Variants in CNTN5 observed in about 807,000 individuals in gnomAD.
The protein encoded by CNTN5 is contactin 5, also known as contactin-5.
In CNTN5, 77 loss-of-function variants were observed where a neutral mutation model predicts 129.1. That is an observed-to-expected ratio of 0.60 (90% CI 0.50 to 0.72). The LOEUF is 0.72. CNTN5 is among the 30% of genes least tolerant of loss of function. The pLI is 0.00. For missense variants in CNTN5, 1,478 were observed against 1,328.8 expected (o/e 1.11, Z -1.75); for synonymous variants, 509 against 465.6 (o/e 1.09, Z -1.20).
intron 3 of CNTN5, among the ~76,000 whole-genome samples, chr11:99,745,693 C>A (rs920114476): frequency 2.0e-5 from 3 of 151,640 alleles, no homozygotes; most frequent in Admixed American, 1.3e-4. Context: ...TTATTCCTGC[C>A]AACCTTAGTT....
In CNTN5 at chr11:100,240,238, G is replaced by A. The variant is rs528408973; in HGVS notation, c.2005+15426G>A. Reference sequence around the variant, plus strand: ...ATCAACACCCCGCCCCACACCCCCCGACCCCCGCCAGGGACTGCTCTATTT... The same window carrying A: ...ATCAACACCCCGCCCCACACCCCCCAACCCCCGCCAGGGACTGCTCTATTT... On this transcript the variant is annotated intron_variant, in intron 16 of 24. Transcript: ENST00000524871. 8.4e-5 allele frequency among the ~76,000 whole-genome samples: 11 copies of A among 131,528 alleles called. No homozygotes were observed. In the South Asian group the frequency reaches 1.7e-3, roughly 21 times the overall value. 86.3% of individuals were successfully genotyped at this position (131,528 alleles called of 152,430 possible).
At chr11:99,672,962 CAG>C (rs1406797276) in intron 3 of CNTN5, among the ~76,000 whole-genome samples, 1 of 152,010 alleles carries the variant, frequency 6.6e-6, no homozygotes, top group Non-Finnish European at 1.5e-5. Context: ...GGAGAGGGCT[CAG>C]GGAGTTGGTG....
chr11:99,862,608 TTTTA>T (rs1405922926), intron 6 of CNTN5, among the ~76,000 whole-genome samples: 5 of 151,954 alleles, frequency 3.3e-5, no homozygotes, highest in African/African-American at 1.2e-4. Context: ...AAAATATATT[TTTTA>T]TTTAGTTTAT....
intron 6 of CNTN5, among the ~76,000 whole-genome samples, chr11:99,876,724 CT>C (rs1182673504): frequency 6.6e-6 from 1 of 152,134 alleles, no homozygotes; most frequent in Non-Finnish European, 1.5e-5. Flanking sequence ...GTCAATGCCC[CT>C]AAACCTTGTA....
At chr11:99,928,622 G>A (rs1193716599) in intron 7 of CNTN5, among the ~76,000 whole-genome samples, 1 of 152,162 alleles carries the variant, frequency 6.6e-6, no homozygotes, top group Non-Finnish European at 1.5e-5. Flanking sequence ...TGGGATGCAG[G>A]GCACCAAGTC....
chr11:99,589,777 T>C (rs1949919383), intron 3 of CNTN5, among the ~76,000 whole-genome samples: 1 of 152,214 alleles, frequency 6.6e-6, no homozygotes. Context: ...ACAAATACTA[T>C]GTCTCTAACA....
At chr11:99,471,831 A>G (rs2135277210) in intron 2 of CNTN5, among the ~76,000 whole-genome samples, 1 of 152,292 alleles carries the variant, frequency 6.6e-6, no homozygotes, top group Admixed American at 6.5e-5. Flanking sequence ...TTTCCCAGAA[A>G]GATTATAATG....
At chr11:100,332,836 T>C (rs1434586286) in intron 21 of CNTN5, among the ~76,000 whole-genome samples, 1 of 151,990 alleles carries the variant, frequency 6.6e-6, no homozygotes, top group Non-Finnish European at 1.5e-5. Context: ...CCACAGCCAA[T>C]ATTATAAATG....
At chr11:100,119,978 C>G (rs1945959905) in intron 13 of CNTN5, among the ~76,000 whole-genome samples, 1 of 151,936 alleles carries the variant, frequency 6.6e-6, no homozygotes, top group Non-Finnish European at 1.5e-5. Flanking sequence ...GATATATTTA[C>G]AACTGGGTCA....
chr11:100,229,407 T>C (rs1949446046), intron 16 of CNTN5, among the ~76,000 whole-genome samples: 1 of 152,198 alleles, frequency 6.6e-6, no homozygotes, highest in Non-Finnish European at 1.5e-5. Context: ...TAAAGTATTA[T>C]TGGTTTGTTT....
intron 17 of CNTN5, among the ~76,000 whole-genome samples, chr11:100,261,765 A>T (rs1950201533): frequency 6.6e-6 from 1 of 152,200 alleles, no homozygotes; most frequent in Non-Finnish European, 1.5e-5. Context: ...CAGCAACTGG[A>T]CCCCTTCCTT....
At chr11:99,969,441 G>GT (rs1255426522) in intron 8 of CNTN5, among the ~76,000 whole-genome samples, 2 of 152,066 alleles carry the variant, frequency 1.3e-5, no homozygotes, top group Admixed American at 6.6e-5. Flanking sequence ...ATTCACTTAC[G>GT]TTTATCTAAC....
chr11:100,252,995 T>C (rs1423230494), intron 16 of CNTN5, among the ~76,000 whole-genome samples: 3 of 152,042 alleles, frequency 2.0e-5, no homozygotes, highest in African/African-American at 4.8e-5. Context: ...GGTGAAAAAA[T>C]TGACTCCACC....
In CNTN5 at chr11:99,998,302, CAA is replaced by C. The variant is rs1340297809; in HGVS notation, c.878-3730_878-3729del. ...TCCTCAAGCTGATAAGCAACTTCAG[CAA>C]AGTCTCAGGATACAAAATCAATGTA... On this transcript the variant is annotated intron_variant, in intron 8 of 24. Transcript: ENST00000524871. Among the ~76,000 whole-genome samples, 3 of 151,920 alleles carry C rather than the reference CAA, an allele frequency of 2.0e-5. No homozygotes were observed. The Admixed American group carries it at 2.0e-4, about 10-fold the overall frequency.
At chr11:99,655,242 G>A (rs1952310518) in intron 3 of CNTN5, among the ~76,000 whole-genome samples, 1 of 152,060 alleles carries the variant, frequency 6.6e-6, no homozygotes, top group Non-Finnish European at 1.5e-5. Flanking sequence ...AGTCTTACAA[G>A]CCTAATGTCA....
chr11:99,289,482 T>C (rs1864078841), intron 1 of CNTN5, among the ~76,000 whole-genome samples: 2 of 151,750 alleles, frequency 1.3e-5, no homozygotes, highest in South Asian at 4.1e-4. Context: ...ACTGGCAAAT[T>C]TTATTCACTT....
At chr11:100,142,293 C>T (rs1417967131) in intron 13 of CNTN5, among the ~76,000 whole-genome samples, 3 of 152,100 alleles carry the variant, frequency 2.0e-5, no homozygotes, top group Non-Finnish European at 4.4e-5. Flanking sequence ...TAATAAATTC[C>T]CTCTCACACT....
chr11:99,450,688 C>A (rs771194023), intron 2 of CNTN5, among the ~76,000 whole-genome samples: 2 of 151,242 alleles, frequency 1.3e-5, no homozygotes, highest in Non-Finnish European at 1.5e-5. Context: ...CCCTGGTCAT[C>A]TCAGTATGAG....
chr11:100,015,483 A>G (rs1469508121), intron 9 of CNTN5, among the ~76,000 whole-genome samples: 2 of 152,164 alleles, frequency 1.3e-5, no homozygotes, highest in African/African-American at 2.4e-5. Flanking sequence ...CTGGTGGCCT[A>G]TAAGCACAGA....
Sources: allele counts gnomAD v4.1 joint callset (sites outside exome capture counted in the v4.1 genomes callset), GRCh38; gene constraint gnomAD v4.1.1; transcripts MANE v1.5; gene names NCBI Gene and HGNC (gene_info 2026-07-23, HGNC 2026-07-21).